Variants in FBXW11 observed in about 807,000 individuals in gnomAD.
The protein encoded by FBXW11 is F-box and WD repeat domain containing 11, also known as F-box/WD repeat-containing protein 11.
FBXW11 carries 19 observed loss-of-function variants against 77.6 expected under a neutral mutation model. The observed-to-expected ratio is 0.24, with a 90% confidence interval of 0.17 to 0.36. The LOEUF (loss-of-function observed/expected upper bound fraction) is 0.36. Ranked by LOEUF, FBXW11 falls within the 10% of genes least tolerant of loss-of-function variation. FBXW11 has a pLI of 1.00. For missense variants in FBXW11, 334 were observed against 704.2 expected (o/e 0.47, Z 5.95); for synonymous variants, 235 against 249.4 (o/e 0.94, Z 0.54).
At chr5:171,909,385 G>A (rs1211155349) in intron 4 of FBXW11, among the ~76,000 whole-genome samples, 2 of 152,202 alleles carry the variant, frequency 1.3e-5, no homozygotes, top group Non-Finnish European at 2.9e-5. Flanking sequence ...CCATTCTGTA[G>A]GAGACTCTTA....
chr5:171,892,608 G>A (rs142578519), intron 6 of FBXW11, among the ~76,000 whole-genome samples: 49 of 152,346 alleles, frequency 3.2e-4, no homozygotes, highest in African/African-American at 1.1e-3. Context: ...ACTTAAGGGA[G>A]ATAATGAGCT....
intron 7 of FBXW11, among the ~76,000 whole-genome samples, chr5:171,887,050 G>C (rs1758951738): frequency 1.3e-5 from 2 of 152,180 alleles, no homozygotes; most frequent in South Asian, 4.1e-4. Flanking sequence ...TAAAAATAGA[G>C]TTCCGTGGTC....
intron 1 of FBXW11, among the ~76,000 whole-genome samples, chr5:171,988,493 G>A (rs1367763652): frequency 6.6e-6 from 1 of 152,146 alleles, no homozygotes; most frequent in East Asian, 1.9e-4. Flanking sequence ...GTCCAGGAGA[G>A]TATGGTGATA....
intron 2 of FBXW11, among the ~76,000 whole-genome samples, chr5:171,944,636 C>T (rs1428552836): frequency 6.6e-6 from 1 of 150,806 alleles, no homozygotes; most frequent in South Asian, 2.1e-4. Flanking sequence ...GAATGGTACT[C>T]CATAAACTGT....
chr5:171,943,491 G>A (rs1054349079), intron 2 of FBXW11, among the ~76,000 whole-genome samples: 2 of 152,100 alleles, frequency 1.3e-5, no homozygotes, highest in East Asian at 3.9e-4. Context: ...ACAGAGTCTC[G>A]CTCTGTCGCC....
chr5:171,983,801 G>A (rs748318169), intron 1 of FBXW11, among the ~76,000 whole-genome samples: 2 of 152,006 alleles, frequency 1.3e-5, no homozygotes, highest in Non-Finnish European at 2.9e-5. Context: ...AATTCTGTTG[G>A]GTTCTCATAC....
intron 1 of FBXW11, among the ~76,000 whole-genome samples, chr5:171,999,172 T>A (rs1766260933): frequency 6.6e-6 from 1 of 152,170 alleles, no homozygotes; most frequent in African/African-American, 2.4e-5. Context: ...AAGAATAAAC[T>A]GGAAACCCAA....
At chr5:171,899,442 G>C (rs1041125550) in intron 5 of FBXW11, among the ~76,000 whole-genome samples, 1 of 152,132 alleles carries the variant, frequency 6.6e-6, no homozygotes, top group African/African-American at 2.4e-5. Context: ...ATGCACCTCT[G>C]TCTGTAGCTC....
intron 2 of FBXW11, among the ~76,000 whole-genome samples, chr5:171,936,109 TAAAAAA>T (rs61349170): frequency 3.4e-5 from 2 of 59,356 alleles, no homozygotes; most frequent in Admixed American, 2.1e-4. Context: ...AGACTCCATC[TAAAAAA>T]AAAAAAAAAA....
At chr5:171,874,767 A>G (rs934857343) in intron 9 of FBXW11, among the ~76,000 whole-genome samples, 3 of 150,132 alleles carry the variant, frequency 2.0e-5, no homozygotes, top group African/African-American at 2.5e-5. Flanking sequence ...AAAAAAAAAA[A>G]AAAAAAAAAA....
chr5:171,927,333 G>A (rs1397316060), intron 2 of FBXW11, among the ~76,000 whole-genome samples: 3 of 152,110 alleles, frequency 2.0e-5, no homozygotes, highest in Non-Finnish European at 4.4e-5. Context: ...TTCTTTCAAA[G>A]GAACTAGATG....
rs1757138978 is a variant in FBXW11 at position 171,862,290 on chromosome 5, ATAAAT to A, written c.*1832_*1836del. 1 of 152,668 alleles carries A rather than the reference ATAAAT, an allele frequency of 6.6e-6. No homozygotes were observed. The highest frequency in any genetic ancestry group is 1.5e-5 in the Non-Finnish European group (1 of 68,052). The allele number at this position is 152,668 out of a possible 1,614,324, so 9.5% of individuals were successfully genotyped here. A position where few individuals can be genotyped will look rare whatever the true frequency, so the allele number is the denominator to read the frequency against. ...CTTTGAGACTCAACCTCTCAAAAACATAAATTAATTTAGTAACATGGGAAGGAAGG... is the reference window on the plus strand; with the variant it reads ...CTTTGAGACTCAACCTCTCAAAAACATAATTTAGTAACATGGGAAGGAAGG... On this transcript the variant is annotated 3_prime_UTR_variant, in exon 14 of 14. Transcript: ENST00000517395.
chr5:171,993,557 G>C (rs768115470), intron 1 of FBXW11, among the ~76,000 whole-genome samples: 9 of 152,090 alleles, frequency 5.9e-5, no homozygotes, highest in African/African-American at 9.7e-5. Context: ...AGGTTGCAGT[G>C]AGCCACGATC....
At chr5:171,878,359 C>A (rs184643266) in intron 7 of FBXW11, among the ~76,000 whole-genome samples, 7 of 152,274 alleles carry the variant, frequency 4.6e-5, no homozygotes, top group Admixed American at 4.6e-4. Flanking sequence ...AGCTATTGAT[C>A]TCAGTATACT....
chr5:171,871,747 C>T (rs1318741163), intron 10 of FBXW11, among the ~76,000 whole-genome samples: 1 of 152,176 alleles, frequency 6.6e-6, no homozygotes, highest in Non-Finnish European at 1.5e-5. Context: ...TCCTATGATA[C>T]ATCCAAAGAA....
At chr5:172,001,291 A>T (rs374659240) in intron 1 of FBXW11, among the ~76,000 whole-genome samples, 5 of 152,356 alleles carry the variant, frequency 3.3e-5, no homozygotes, top group African/African-American at 1.2e-4. Context: ...CACAACCACA[A>T]GTTTTTATAA....
intron 1 of FBXW11, among the ~76,000 whole-genome samples, chr5:171,973,478 T>A (rs1277736384): frequency 6.6e-6 from 1 of 152,160 alleles, no homozygotes; most frequent in African/African-American, 2.4e-5. Context: ...CATCCTACAA[T>A]GTACCTGAGT....
intron 2 of FBXW11, among the ~76,000 whole-genome samples, chr5:171,915,613 C>CTGTGTG (rs200618306): frequency 0.034 from 4,383 of 129,568 alleles, 116 homozygotes; most frequent in African/African-American, 0.049. Context: ...GTCACTCATT[C>CTGTGTG]TGTGTGTGTG....
chr5:171,877,022 A>G (rs1758132516), intron 8 of FBXW11, among the ~76,000 whole-genome samples: 1 of 152,182 alleles, frequency 6.6e-6, no homozygotes, highest in African/African-American at 2.4e-5. Flanking sequence ...TTATAGCAAT[A>G]CAAATGGAGT....
Sources: allele counts gnomAD v4.1 joint callset (sites outside exome capture counted in the v4.1 genomes callset), GRCh38; gene constraint gnomAD v4.1.1; transcripts MANE v1.5; gene names NCBI Gene and HGNC (gene_info 2026-07-23, HGNC 2026-07-21).